The following KCNIP4 variants were observed in gnomAD, a reference collection of about 807,000 sequenced individuals.
KCNIP4 encodes the protein Kv channel-interacting protein 4.
Under a neutral mutation model 34.0 loss-of-function variants are expected in KCNIP4, and 12 were observed. The observed-to-expected ratio is 0.35, with a 90% CI of 0.23 to 0.57. The LOEUF is 0.57. Among genes scored for constraint, KCNIP4 ranks in the 20% least tolerant of loss-of-function variants. The probability of loss-of-function intolerance (pLI) is 0.83; values close to 1 mark genes in which losing one functional copy is unlikely to be tolerated. For missense variants in KCNIP4, 238 were observed against 311.7 expected, an observed-to-expected ratio of 0.76 and a Z score of 1.78; for synonymous variants, 124 against 102.2, an observed-to-expected ratio of 1.21 and a Z score of -1.29.
At chr4:21,733,217 T>C (rs773119973) in intron 1 of KCNIP4, among the ~76,000 whole-genome samples, 5 of 152,204 alleles carry the variant, frequency 3.3e-5, no homozygotes, top group Non-Finnish European at 5.9e-5. Flanking sequence ...TAATCCTTTA[T>C]ATTCAACTTC....
intron 1 of KCNIP4, among the ~76,000 whole-genome samples, chr4:21,887,723 AAC>A (rs1726861026): frequency 6.6e-6 from 1 of 151,796 alleles, no homozygotes; most frequent in South Asian, 2.1e-4. Flanking sequence ...TTCCTTAACT[AAC>A]ACAGTTATTA....
intron 1 of KCNIP4, among the ~76,000 whole-genome samples, chr4:21,334,866 A>T (rs1341180854): frequency 1.3e-5 from 2 of 152,088 alleles, no homozygotes; most frequent in Non-Finnish European, 2.9e-5. Context: ...ATCATGTTCC[A>T]TTCTGTCAAT....
At chr4:21,328,866 A>G (rs758704377) in intron 1 of KCNIP4, among the ~76,000 whole-genome samples, 2 of 152,192 alleles carry the variant, frequency 1.3e-5, no homozygotes, top group Non-Finnish European at 2.9e-5. Flanking sequence ...CCCCAGGCCA[A>G]TGGTGAGTAC....
chr4:21,272,850 G>T (rs1322189591), intron 1 of KCNIP4, among the ~76,000 whole-genome samples: 1 of 152,134 alleles, frequency 6.6e-6, no homozygotes, highest in African/African-American at 2.4e-5. Flanking sequence ...AAGGTTCTCT[G>T]ATTTTTCTTT....
rs546943530 is a variant in KCNIP4, at chr4:21,521,314, A to G, written c.61+427257T>C. ...CTGCCTTCATGTGAAAAATGGGGCC[A>G]ATGATAGAATAGTCCCTTTAATTCC... On this transcript the variant is annotated intron_variant, in intron 1 of 8. Coordinates refer to ENST00000382152, the MANE Select transcript of KCNIP4 (RefSeq NM_025221.6). Among the ~76,000 whole-genome samples the G allele has an allele frequency of 1.7e-4, 26 of 152,280 alleles. No individual in the cohort carries two copies. The South Asian group carries it at 5.4e-3, about 32-fold the overall frequency.
At chr4:21,678,711 T>G (rs1387833691) in intron 1 of KCNIP4, among the ~76,000 whole-genome samples, 12 of 152,184 alleles carry the variant, frequency 7.9e-5, no homozygotes, top group Admixed American at 7.9e-4. Flanking sequence ...TTTCTATGTT[T>G]CTCTTGCTTG....
chr4:21,287,619 C>T (rs752546827), intron 1 of KCNIP4, among the ~76,000 whole-genome samples: 17 of 152,254 alleles, frequency 1.1e-4, no homozygotes, highest in African/African-American at 3.6e-4. Flanking sequence ...TAGTTACTTA[C>T]GTAAGGAAGT....
chr4:20,947,444 C>T (rs1732305291), intron 1 of KCNIP4, among the ~76,000 whole-genome samples: 1 of 152,180 alleles, frequency 6.6e-6, no homozygotes, highest in African/African-American at 2.4e-5. Context: ...GCTGGGATTA[C>T]AGGCATGAGC....
At chr4:21,495,805 G>T (rs922983282) in intron 1 of KCNIP4, among the ~76,000 whole-genome samples, 3 of 152,166 alleles carry the variant, frequency 2.0e-5, no homozygotes, top group Admixed American at 6.5e-5. Flanking sequence ...AAAAGAGAAA[G>T]AATTATTCAA....
intron 1 of KCNIP4, among the ~76,000 whole-genome samples, chr4:21,599,467 A>ATG (rs1444259491): frequency 1.3e-4 from 10 of 76,246 alleles, no homozygotes; most frequent in Non-Finnish European, 2.2e-4. Context: ...GAAAGAAAAA[A>ATG]ATGATAACTA....
chr4:21,080,659 A>C (rs1745922163), intron 1 of KCNIP4, among the ~76,000 whole-genome samples: 1 of 151,896 alleles, frequency 6.6e-6, no homozygotes, highest in South Asian at 2.1e-4. Flanking sequence ...ATACATATTG[A>C]ATCCTCTCTC....
At chr4:21,193,494 C>T (rs941495752) in intron 1 of KCNIP4, among the ~76,000 whole-genome samples, 3 of 151,818 alleles carry the variant, frequency 2.0e-5, no homozygotes, top group African/African-American at 4.8e-5. Context: ...TCACATTTCT[C>T]TCATGATGGG....
Position 21,291,942 on chromosome 4 carries a change from A to C in KCNIP4, c.62-409233T>G, listed in dbSNP as rs868157962. On this transcript the variant is annotated intron_variant, in intron 1 of 8. Transcript: ENST00000382152. Reference sequence around the variant, plus strand: ...AAGAAAGAAAGAAAGAAAGAAAAAAAAAGAAAAAAGTCTGATGAATAAATC... The same window carrying C: ...AAGAAAGAAAGAAAGAAAGAAAAAACAAGAAAAAAGTCTGATGAATAAATC... 3.1e-5 allele frequency among the ~76,000 whole-genome samples: 3 copies of C among 95,464 alleles called. No individual in the cohort carries two copies. In the East Asian group the frequency reaches 7.6e-4, roughly 24 times the overall value. 62.6% of individuals were successfully genotyped at this position (95,464 alleles called of 152,430 possible). A position where few individuals can be genotyped will look rare whatever the true frequency, so the allele number is the denominator to read the frequency against.
intron 1 of KCNIP4, among the ~76,000 whole-genome samples, chr4:21,721,168 G>A (rs893589753): frequency 1.6e-4 from 24 of 152,148 alleles, no homozygotes; most frequent in African/African-American, 5.3e-4. Flanking sequence ...TACTTTTTCC[G>A]TGAAAACAGT....
At chr4:21,846,080 A>G (rs984488393) in intron 1 of KCNIP4, 7 of 152,062 alleles carry the variant, frequency 4.6e-5, no homozygotes, top group South Asian at 2.1e-4. Context: ...TCAATATTAT[A>G]CTTATTTTAA....
intron 1 of KCNIP4, among the ~76,000 whole-genome samples, chr4:21,348,330 A>C (rs1015703891): frequency 6.6e-6 from 1 of 152,216 alleles, no homozygotes; most frequent in African/African-American, 2.4e-5. Context: ...AAAAGCTTAC[A>C]AAATAGACAC....
chr4:21,831,207 G>A (rs1239167381), intron 1 of KCNIP4, among the ~76,000 whole-genome samples: 1 of 151,710 alleles, frequency 6.6e-6, no homozygotes, highest in Non-Finnish European at 1.5e-5. Flanking sequence ...CAAACAAGAA[G>A]AAAGATCTCA....
At chr4:21,600,360 A>C (rs1013107250) in intron 1 of KCNIP4, among the ~76,000 whole-genome samples, 2 of 152,116 alleles carry the variant, frequency 1.3e-5, no homozygotes, top group Non-Finnish European at 2.9e-5. Flanking sequence ...CTAAAGTTTT[A>C]CTTTTTTAAT....
chr4:21,558,692 A>G (rs1192114767), intron 1 of KCNIP4, among the ~76,000 whole-genome samples: 1 of 152,122 alleles, frequency 6.6e-6, no homozygotes, highest in Non-Finnish European at 1.5e-5. Context: ...ATCTAGTTAC[A>G]ATGATCAAAG....
Sources: gnomAD v4.1 joint callset for allele counts (sites outside exome capture counted in the v4.1 genomes callset) on GRCh38, gnomAD v4.1.1 for gene constraint, MANE v1.5 for transcripts, NCBI Gene and HGNC (gene_info 2026-07-23, HGNC 2026-07-21) for gene names.